Variants in PALS2 observed in about 807,000 individuals in gnomAD.
PALS2 encodes the protein protein associated with LIN7 2, MAGUK p55 family member, also known as protein PALS2.
PALS2 carries 27 observed loss-of-function variants against 61.6 expected under a neutral mutation model. The observed-to-expected ratio is 0.44, with a 90% CI of 0.32 to 0.60. The LOEUF (loss-of-function observed/expected upper bound fraction) is 0.60, where lower values mean the gene tolerates loss of function less well. PALS2 is among the 20% of genes least tolerant of loss of function. The probability of loss-of-function intolerance (pLI) is 0.05; values close to 1 mark genes in which losing one functional copy is unlikely to be tolerated. For synonymous variants in PALS2, 236 were observed against 218.6 expected (o/e 1.08, Z -0.70); for missense variants, 554 against 639.4 (o/e 0.87, Z 1.44).
chr7:24,668,313 CAAT>C (rs1293563066), intron 8 of PALS2, among the ~76,000 whole-genome samples, 183 bp from the exon 9 acceptor site: 1 of 152,026 alleles, frequency 6.6e-6, no homozygotes, highest in African/African-American at 2.4e-5. Context: ...GTCTTAAAAA[CAAT>C]AATAAAATAA....
intron 1 of PALS2, among the ~76,000 whole-genome samples, chr7:24,585,815 C>T (rs1206922392): frequency 6.6e-6 from 1 of 152,218 alleles, no homozygotes; most frequent in African/African-American, 2.4e-5. Flanking sequence ...TCTCCTGCCT[C>T]AGCCTCCCAA....
rs190744585 is a variant in PALS2, at chr7:24,640,757, C to T, written c.118-959C>T. ...AGGGCGGTGGCTCATGCCTGTAATC[C>T]CAGCACTTTGGGAGGCCGAGGCGGG... On this transcript the variant is annotated intron_variant, in intron 2 of 11. Coordinates refer to ENST00000222644, the MANE Select transcript of PALS2 (RefSeq NM_001303037.2). Among the ~76,000 whole-genome samples the T allele has an allele frequency of 3.0e-3, 454 of 152,082 alleles. 14 individuals carry two copies. Among genetic ancestry groups the T allele is most frequent in the Admixed American group, 0.024 (366 of 15,282 alleles).
Position 24,640,979 on chromosome 7 carries a change from G to A in PALS2, c.118-737G>A, listed in dbSNP as rs1048415754. Reference sequence around the variant, plus strand: ...GCTGAGGTCGCGCCACTGCACTCCAGCCTGGGCAACAGTGCGAGACTCCAT... The same window carrying A: ...GCTGAGGTCGCGCCACTGCACTCCAACCTGGGCAACAGTGCGAGACTCCAT... On this transcript the variant is annotated intron_variant, in intron 2 of 11. Transcript: ENST00000222644. Among the ~76,000 whole-genome samples, 6 of 123,414 alleles carry A rather than the reference G, an allele frequency of 4.9e-5. No homozygotes were observed. In the Admixed American group the frequency reaches 6.6e-4, roughly 14 times the overall value. The allele number at this position is 123,414 out of a possible 152,430, so 81.0% of individuals were successfully genotyped here.
At chr7:24,641,925 T>TAAACTGGAAAGTAAAGGAGAA in intron 3 of PALS2, 57 bp downstream of exon 3, 1 of 1,534,982 alleles carries the variant, frequency 6.5e-7, no homozygotes, top group Non-Finnish European at 8.9e-7. Context: ...GTATTCTCCT[T>TAAACTGGAAAGTAAAGGAGAA]TACTTTCCAG....
At chr7:24,640,748 C>T (rs914738938) in intron 2 of PALS2, among the ~76,000 whole-genome samples, 2 of 152,014 alleles carry the variant, frequency 1.3e-5, no homozygotes, top group Non-Finnish European at 2.9e-5. Context: ...GTGGCTCATG[C>T]CTGTAATCCC....
At chr7:24,635,107 T>C (rs1358629315) in intron 2 of PALS2, among the ~76,000 whole-genome samples, 2 of 152,198 alleles carry the variant, frequency 1.3e-5, no homozygotes, top group Admixed American at 6.5e-5. Context: ...TCTATAAACA[T>C]GTCACTTAGG....
chr7:24,645,368 T>A (rs926954697), intron 3 of PALS2, among the ~76,000 whole-genome samples: 19 of 152,198 alleles, frequency 1.2e-4, no homozygotes, highest in African/African-American at 4.3e-4. Context: ...ATTTATTGAA[T>A]AGGGAGTCTT....
chr7:24,692,605 G>T lies in PALS2; in HGVS notation c.*4991G>T, dbSNP rs1788525936. The T allele has an allele frequency of 2.0e-5, 3 of 152,134 alleles. No homozygotes were observed. Among genetic ancestry groups the T allele is most frequent in the Non-Finnish European group, 2.9e-5 (2 of 68,008 alleles). The allele number at this position is 152,134 out of a possible 1,614,324, so 9.4% of individuals were successfully genotyped here. Reference sequence around the variant, plus strand: ...AAATAGCCCCAAAGATACAGTTTCAGCTGGTGGAAGGTCTGTTCTGCTCTC... The same window carrying T: ...AAATAGCCCCAAAGATACAGTTTCATCTGGTGGAAGGTCTGTTCTGCTCTC... On this transcript the variant is annotated 3_prime_UTR_variant, in exon 12 of 12. Coordinates refer to ENST00000222644, the MANE Select transcript of PALS2 (RefSeq NM_001303037.2).
chr7:24,608,777 A>G (rs79711507), intron 1 of PALS2, among the ~76,000 whole-genome samples: 9,630 of 151,900 alleles, frequency 0.063, 350 homozygotes, highest in African/African-American at 0.094. Flanking sequence ...TAACTAATTT[A>G]TTTATATTTT....
chr7:24,626,963 A>G (rs999076003), intron 2 of PALS2, among the ~76,000 whole-genome samples: 1 of 152,198 alleles, frequency 6.6e-6, no homozygotes, highest in African/African-American at 2.4e-5. Context: ...CAGCTCAACA[A>G]GACAGAAAAT....
intron 1 of PALS2, among the ~76,000 whole-genome samples, chr7:24,608,883 C>T (rs1239192889): frequency 2.0e-5 from 3 of 152,058 alleles, no homozygotes. Flanking sequence ...GAAATGCTGG[C>T]ATTACAGGTG....
At chr7:24,622,683 C>CTTTTTTTTTTTT (rs70942815) in intron 1 of PALS2, among the ~76,000 whole-genome samples, 5 of 135,696 alleles carry the variant, frequency 3.7e-5, no homozygotes, top group Non-Finnish European at 6.4e-5. Flanking sequence ...TTTCTTTTTT[C>CTTTTTTTTTTTT]TTTTTTTTTT....
intron 3 of PALS2, among the ~76,000 whole-genome samples, chr7:24,648,525 C>T (rs1785962804): frequency 6.6e-6 from 1 of 151,870 alleles, no homozygotes; most frequent in Non-Finnish European, 1.5e-5. Flanking sequence ...AACTCCTGAC[C>T]TCACATGATC....
At chr7:24,672,991 T>C (rs1787376810) in intron 9 of PALS2, among the ~76,000 whole-genome samples, 1 of 152,218 alleles carries the variant, frequency 6.6e-6, no homozygotes, top group African/African-American at 2.4e-5. Context: ...GTTCATGATC[T>C]TAAGGAGAAA....
chr7:24,641,801 C>G lies in PALS2; in HGVS notation c.203C>G (p.Thr68Ser). The change falls in exon 3 of 12, where the codon ACT (threonine) becomes AGT (serine). Residue 68 changes from threonine (T) to serine (S), a missense_variant. Transcript: ENST00000222644. ...GTCAATGAAATTCTTGAAGACATCACTCCTCTAATAAATGTGGATGAAAAT... is the reference window on the plus strand; with the variant it reads ...GTCAATGAAATTCTTGAAGACATCAGTCCTCTAATAAATGTGGATGAAAAT... ...ELVNEILEDI[T>S]PLINVDENVA... The G allele has an allele frequency of 6.2e-7, 1 of 1,612,904 alleles. No homozygotes were observed. Among genetic ancestry groups the G allele is most frequent in the Non-Finnish European group, 8.5e-7 (1 of 1,179,298 alleles).
At chr7:24,612,739 A>G (rs762646600) in intron 1 of PALS2, among the ~76,000 whole-genome samples, 2 of 151,778 alleles carry the variant, frequency 1.3e-5, no homozygotes, top group Non-Finnish European at 3.0e-5. Context: ...TAATTTTTTC[A>G]CTGATTTCTT....
In PALS2 at chr7:24,668,653, G is replaced by T. The variant is rs375634417; in HGVS notation, c.1107G>T (p.Thr369=). 6.2e-7 allele frequency: 1 copy of T among 1,613,720 alleles called. No individual in the cohort carries two copies. ...IVLNPTRFGT[T]VPFTSRKPRE... is the part of the protein sequence containing the mutation. ...TGAATCCCACTAGATTTGGAACTAC[G>T]GTGCCATGTAAGTTTTCTGTGTTTT... The change falls in exon 9 of 12, where the codon ACG becomes ACT. Residue 369 remains threonine (T), a synonymous_variant. Coordinates refer to ENST00000222644, the MANE Select transcript of PALS2 (RefSeq NM_001303037.2).
chr7:24,575,543 A>C (rs1562593304), intron 1 of PALS2, among the ~76,000 whole-genome samples: 1 of 152,134 alleles, frequency 6.6e-6, no homozygotes, highest in African/African-American at 2.4e-5. Flanking sequence ...CTGTGACTCT[A>C]TGTGTTATCT....
intron 2 of PALS2, among the ~76,000 whole-genome samples, chr7:24,633,354 T>C (rs908715419): frequency 2.0e-5 from 3 of 150,566 alleles, no homozygotes; most frequent in African/African-American, 7.3e-5. Context: ...GGTGGAGTTT[T>C]TTTTTTTTTT....
Sources: gnomAD v4.1 joint callset for allele counts (sites outside exome capture counted in the v4.1 genomes callset) on GRCh38, gnomAD v4.1.1 for gene constraint, MANE v1.5 for transcripts, NCBI Gene and HGNC (gene_info 2026-07-23, HGNC 2026-07-21) for gene names.